DNAH6: variants seen among roughly 807,000 people sequenced by gnomAD.
The protein encoded by DNAH6 is dynein axonemal heavy chain 6.
A neutral mutation model predicts 491.4 loss-of-function variants in DNAH6; 340 were observed. The ratio of observed to expected loss-of-function variants is 0.69; its 90% CI spans 0.63 to 0.76. The LOEUF (loss-of-function observed/expected upper bound fraction) is 0.76, where lower values mean the gene tolerates loss of function less well. Among genes scored for constraint, DNAH6 ranks in the 30% least tolerant of loss-of-function variants. The probability of loss-of-function intolerance (pLI) is 0.00; values close to 1 mark genes in which losing one functional copy is unlikely to be tolerated. For synonymous variants in DNAH6, 1,603 were observed against 1,686.1 expected, an observed-to-expected ratio of 0.95 and a Z score of 1.21; for missense variants, 4,443 against 4,972.2, an observed-to-expected ratio of 0.89 and a Z score of 3.20.
chr2:84,756,983 G>A (rs149178988), intron 63 of DNAH6, among the ~76,000 whole-genome samples: 55 of 152,280 alleles, frequency 3.6e-4, no homozygotes, highest in African/African-American at 9.1e-4. Flanking sequence ...CAAAGAACTT[G>A]GTGATAAAGA....
At chr2:84,694,884 G>T (rs1441475357) in intron 46 of DNAH6, among the ~76,000 whole-genome samples, 1 of 152,112 alleles carries the variant, frequency 6.6e-6, no homozygotes, top group Non-Finnish European at 1.5e-5. Flanking sequence ...AATTGAAGTA[G>T]GATTACATCT....
intron 1 of DNAH6, 36 bp from the exon 2 acceptor site, chr2:84,517,783 C>A: frequency 6.7e-7 from 1 of 1,491,954 alleles, no homozygotes; most frequent in South Asian, 1.2e-5. Flanking sequence ...TTTTGATCTA[C>A]TTTTCATTTT....
At chr2:84,510,958 G>C in the DNAH6 span, among the ~76,000 whole-genome samples, 1 of 152,164 alleles carries the variant, frequency 6.6e-6, no homozygotes, top group Non-Finnish European at 1.5e-5. Context: ...GGAGTACCCG[G>C]CCGTGTGAGG....
At chr2:84,677,228 A>G in intron 41 of DNAH6, 92 bp downstream of exon 41, 1 of 1,488,448 alleles carries the variant, frequency 6.7e-7, no homozygotes, top group Admixed American at 2.0e-5. Context: ...TGTGTTTCTA[A>G]GGAGTCCATC....
chr2:84,467,455 G>A, the DNAH6 span, among the ~76,000 whole-genome samples: 11 of 152,180 alleles, frequency 7.2e-5, no homozygotes. Context: ...GCCTAGCCTA[G>A]GAGACAACAG....
chr2:84,640,550 G>A lies in DNAH6; in HGVS notation c.4942G>A (p.Ala1648Thr), dbSNP rs905272828. The A allele has an allele frequency of 5.8e-6, 9 of 1,550,670 alleles. No individual in the cohort carries two copies. Among genetic ancestry groups the A allele is most frequent in the South Asian group, 1.2e-5 (1 of 83,864 alleles). ...QQDHYDFGMR[A>T]VKSVLVMAGS... ...GGATCACTACGACTTTGGCATGAGA[G>A]CTGTGAAGTCTGTCCTGGTCATGGC... Residue 1648 changes from alanine to threonine, a missense_variant, in exon 32 of 77, where the codon GCT becomes ACT. Around this residue, in one of 3 missense-constraint regions of DNAH6, gnomAD observed 2,977 missense variants for 3,296.6 expected, o/e 0.90. Transcript: ENST00000389394.
chr2:84,520,361 G>A (rs1002132043), intron 2 of DNAH6, among the ~76,000 whole-genome samples: 1 of 152,016 alleles, frequency 6.6e-6, no homozygotes, highest in African/African-American at 2.4e-5. Context: ...TTTGTTGCCT[G>A]ATCTGCATAG....
chr2:84,681,187 G>A (rs902253674), intron 41 of DNAH6, among the ~76,000 whole-genome samples, 170 bp from the exon 42 acceptor site: 12 of 152,152 alleles, frequency 7.9e-5, no homozygotes, highest in Admixed American at 3.3e-4. Flanking sequence ...AGGAGTGAGC[G>A]CATTCTCAAG....
intron 37 of DNAH6, among the ~76,000 whole-genome samples, chr2:84,664,880 G>A (rs1318091587): frequency 2.0e-5 from 3 of 152,188 alleles, no homozygotes; most frequent in African/African-American, 7.2e-5. Context: ...TAAAAGAACA[G>A]AAATTGTAAC....
intron 35 of DNAH6, among the ~76,000 whole-genome samples, chr2:84,655,118 A>AAAGCT (rs1690822075): frequency 6.6e-6 from 1 of 152,158 alleles, no homozygotes; most frequent in African/African-American, 2.4e-5. Context: ...GACTTCGCAG[A>AAAGCT]AAGCTTGGGA....
At chr2:84,757,104 C>T (rs569140995) in intron 63 of DNAH6, among the ~76,000 whole-genome samples, 2 of 152,200 alleles carry the variant, frequency 1.3e-5, no homozygotes, top group African/African-American at 4.8e-5. Flanking sequence ...TATAAGAAAT[C>T]CAAGCCATTT....
intron 4 of DNAH6, among the ~76,000 whole-genome samples, chr2:84,542,995 C>T (rs1484530464): frequency 6.6e-6 from 1 of 152,088 alleles, no homozygotes; most frequent in African/African-American, 2.4e-5. Context: ...CCTATCTCTA[C>T]TAAAAATAGA....
At chr2:84,819,268 T>C in intron 76 of DNAH6, 37 bp from the exon 77 acceptor site, 1 of 1,428,272 alleles carries the variant, frequency 7.0e-7, no homozygotes, top group Non-Finnish European at 9.6e-7. Flanking sequence ...AGTTATTCTC[T>C]TAAGTAACAA....
intron 56 of DNAH6, among the ~76,000 whole-genome samples, chr2:84,711,020 G>T (rs530268694): frequency 3.3e-5 from 5 of 152,130 alleles, no homozygotes; most frequent in African/African-American, 1.2e-4. Context: ...TGTGGTTTCT[G>T]TTCTCAATAG....
At chr2:84,713,727 T>A (rs1697267363) in intron 57 of DNAH6, among the ~76,000 whole-genome samples, 1 of 152,212 alleles carries the variant, frequency 6.6e-6, no homozygotes. Flanking sequence ...ATGTCATTAC[T>A]TAAATGTGCA....
chr2:84,599,010 A>T (rs1340670346), intron 18 of DNAH6, among the ~76,000 whole-genome samples: 1 of 142,800 alleles, frequency 7.0e-6, no homozygotes, highest in Non-Finnish European at 1.5e-5. Context: ...GGCATGGGCC[A>T]TAGAGTGAGA....
intron 16 of DNAH6, among the ~76,000 whole-genome samples, chr2:84,591,792 G>A (rs1033970479): frequency 7.9e-5 from 12 of 152,056 alleles, no homozygotes; most frequent in Non-Finnish European, 1.3e-4. Context: ...ATGGAAAACC[G>A]CAAAACAACA....
chr2:84,518,649 AGTT>A (rs1216519845), intron 2 of DNAH6, among the ~76,000 whole-genome samples: 1 of 152,226 alleles, frequency 6.6e-6, no homozygotes, highest in Non-Finnish European at 1.5e-5. Flanking sequence ...TGATGATTAA[AGTT>A]GTTTAATTTG....
rs147111953 is a variant in DNAH6, at chr2:84,701,121, G to A, written c.7843G>A (p.Val2615Met). The change falls in exon 49 of 77, where the codon GTG (valine) becomes ATG (methionine). Residue 2615 changes from valine (V) to methionine (M), a missense_variant. Val to Met is a conservative substitution (Grantham distance 21). This residue lies in a region of DNAH6 where 2,977 missense variants were observed against 3,296.6 expected (regional missense o/e 0.90). Transcript: ENST00000389394. The part of the protein sequence containing the change: ...VQWPREALLS[V>M]SKTFFSQVDA... ...GTGGCCCAGAGAAGCACTTCTTTCT[G>A]TGTCAAAGACATTTTTCTCACAAGT... is the stretch of plus-strand genomic sequence containing the variant. 6.4e-7 allele frequency: 1 copy of A among 1,551,592 alleles called. No homozygotes were observed. The highest frequency in any genetic ancestry group is 8.7e-7 in the Non-Finnish European group (1 of 1,146,664).
Sources: allele counts gnomAD v4.1 joint callset (sites outside exome capture counted in the v4.1 genomes callset), GRCh38; gene constraint gnomAD v4.1.1; regional missense constraint gnomAD v4.1.1; transcripts MANE v1.5; gene names NCBI Gene and HGNC (gene_info 2026-07-23, HGNC 2026-07-21).